ERCC6L: variants seen among roughly 807,000 people sequenced by gnomAD.
ERCC6L encodes DNA excision repair protein ERCC-6-like.
A neutral mutation model predicts 20.1 loss-of-function variants in ERCC6L; 7 were observed. The observed-to-expected ratio is 0.35, with a 90% CI of 0.20 to 0.65. ERCC6L has a LOEUF of 0.65. Ranked by LOEUF, ERCC6L falls within the 30% of genes least tolerant of loss-of-function variation. The pLI, the probability that ERCC6L is intolerant of heterozygous loss-of-function variation, is 0.69. For missense variants in ERCC6L, 592 were observed against 892.4 expected (o/e 0.66, Z 4.29); for synonymous variants, 278 against 331.3 (o/e 0.84, Z 1.75).
chrX:72,210,220 A>AATAC (rs1454283379), intron 1 of ERCC6L, among the ~76,000 whole-genome samples: 1 of 107,180 alleles, frequency 9.3e-6, no homozygotes, highest in Non-Finnish European at 1.9e-5. Context: ...TAAATAAATA[A>AATAC]ATAAATAAAT....
rs201813772 is a variant in ERCC6L, at chrX:72,205,604, A to T, written c.3163T>A (p.Ser1055Thr). 8.3e-7 allele frequency: 1 copy of T among 1,211,697 alleles called. No homozygotes were observed. Among genetic ancestry groups the T allele is most frequent in the Admixed American group, 2.2e-5 (1 of 46,087 alleles). ...PFNTSLFQFS[S>T]VKQFDASTPK... The stretch of plus-strand genomic sequence containing the variant: ...GTTGAAGCATCAAATTGTTTCACAG[A>T]TGAGAATTGAAAGAGAGATGTGTTG... Residue 1055 changes from serine (S) to threonine (T), a missense_variant, in exon 2 of 2, where the codon TCT becomes ACT. Physicochemically the swap from Ser to Thr is moderately conservative, Grantham distance 58. Coordinates refer to ENST00000334463, the MANE Select transcript of ERCC6L (RefSeq NM_017669.4).
At chrX:72,218,286 T>A (rs1328857686) in intron 1 of ERCC6L, among the ~76,000 whole-genome samples, 2 of 104,814 alleles carry the variant, frequency 1.9e-5, no homozygotes, top group Non-Finnish European at 3.9e-5. Flanking sequence ...AAAAAAAAAA[T>A]TAATAATAGA....
Position 72,206,980 on chromosome X carries a change from C to A in ERCC6L, c.1787G>T (p.Arg596Ile). The A allele has an allele frequency of 1.7e-6, 2 of 1,211,208 alleles. No individual in the cohort carries two copies. The change falls in exon 2 of 2, where the codon AGA becomes ATA. Residue 596 changes from arginine to isoleucine, a missense_variant. Transcript: ENST00000334463. ...TCGTVEEKIY[R>I]RQVFKDSLIR... ...TAATGAGTCCTTGAAAACCTGTCTT[C>A]TGTATATTTTTTCCTCTACAGTCCC...
At position 72,205,169 on chromosome X, in the gene ERCC6L, A is replaced by G; in HGVS notation, c.3598T>C (p.Tyr1200His). The change falls in exon 2 of 2, where the codon TAT becomes CAT. Residue 1200 changes from tyrosine (Y) to histidine (H), a missense_variant. Transcript: ENST00000334463. ...QDKAAEATND[Y>H]ETLVKRGKEL... ...TTTCCACGCTTTACAAGAGTCTCATAGTCATTTGTAGCCTCTGCCGCCTTA... is the reference window on the plus strand; with the variant it reads ...TTTCCACGCTTTACAAGAGTCTCATGGTCATTTGTAGCCTCTGCCGCCTTA... The G allele has an allele frequency of 8.3e-7, 1 of 1,211,468 alleles. No individual in the cohort carries two copies. Among genetic ancestry groups the G allele is most frequent in the African/African-American group, 1.7e-5 (1 of 57,749 alleles).
intron 1 of ERCC6L, among the ~76,000 whole-genome samples, chrX:72,211,889 T>C (rs373420216): frequency 8.9e-6 from 1 of 112,259 alleles, no homozygotes; most frequent in Non-Finnish European, 1.9e-5. Flanking sequence ...AGCTACACTT[T>C]CGCTGGCAAA....
At chrX:72,226,735 C>A (rs1203482290) in intron 1 of ERCC6L, among the ~76,000 whole-genome samples, 1 of 111,594 alleles carries the variant, frequency 9.0e-6, no homozygotes, top group African/African-American at 3.3e-5. Context: ...AAGCCTCATA[C>A]AACATATCCC....
Position 72,237,587 on chromosome X carries a change from G to C in ERCC6L, c.68+1257C>G, listed in dbSNP as rs1438453620. On this transcript the variant is annotated intron_variant, in intron 1 of 1. Transcript: ENST00000334463. ...CACTCCAGCCTGGGTGACAGAGCGA[G>C]ACTGTATCAAAAAAAGAAAAAAAAA... Among the ~76,000 whole-genome samples the C allele has an allele frequency of 3.0e-5, 3 of 99,631 alleles. No individual in the cohort carries two copies. The Admixed American group carries it at 3.3e-4, about 11-fold the overall frequency. The allele number at this position is 99,631 out of a possible 115,157, so 86.5% of individuals were successfully genotyped here.
Position 72,205,395 on chromosome X carries a change from T to C in ERCC6L, c.3372A>G (p.Glu1124=). The C allele has an allele frequency of 8.3e-7, 1 of 1,212,059 alleles. No homozygotes were observed. The highest frequency in any genetic ancestry group is 1.1e-6 in the Non-Finnish European group (1 of 895,559). The part of the protein sequence containing the change: ...LDDSSEAKGP[E]DYPEEGVEES... ...CCTCCACCCCTTCTTCTGGATAATC[T>C]TCAGGACCCTTTGCTTCACTGCTGT... is the stretch of plus-strand genomic sequence containing the variant. The change falls in exon 2 of 2, where the codon GAA becomes GAG. Residue 1124 remains glutamate (E), a synonymous_variant. Coordinates refer to ENST00000334463, the MANE Select transcript of ERCC6L (RefSeq NM_017669.4).
chrX:72,232,662 TAG>T (rs1006484891), intron 1 of ERCC6L, among the ~76,000 whole-genome samples: 3 of 110,480 alleles, frequency 2.7e-5, no homozygotes, highest in African/African-American at 9.9e-5. Flanking sequence ...CACAAAAAAT[TAG>T]CCGGGTGTGG....
At chrX:72,231,347 T>C (rs1440831966) in intron 1 of ERCC6L, among the ~76,000 whole-genome samples, 1 of 111,436 alleles carries the variant, frequency 9.0e-6, no homozygotes, top group Non-Finnish European at 1.9e-5. Flanking sequence ...TGATCTCGCT[T>C]ATACATGGAA....
At position 72,208,484 on chromosome X, in the gene ERCC6L, G is replaced by T. The variant is rs1291464310; in HGVS notation, c.283C>A (p.Gln95Lys). The T allele has an allele frequency of 9.1e-6, 11 of 1,209,713 alleles. No individual in the cohort carries two copies. In the East Asian group the frequency reaches 2.7e-4, roughly 29 times the overall value. ...GLLLYRELHN[Q>K]LFEHQKEGIA... ...CCTTCCTTCTGGTGCTCAAAGAGTT[G>T]GTTGTGCAGTTCTCGATAAAGTAGC... Residue 95 changes from glutamine (Q) to lysine (K), a missense_variant, in exon 2 of 2, where the codon CAA becomes AAA. Transcript: ENST00000334463.
chrX:72,217,953 T>G (rs1484244984), intron 1 of ERCC6L, among the ~76,000 whole-genome samples: 1 of 111,919 alleles, frequency 8.9e-6, no homozygotes, highest in Non-Finnish European at 1.9e-5. Context: ...TCTAACTTTG[T>G]TCCTTTAAAA....
At chrX:72,225,408 C>T (rs2042948469) in intron 1 of ERCC6L, among the ~76,000 whole-genome samples, 1 of 111,607 alleles carries the variant, frequency 9.0e-6, no homozygotes, top group Admixed American at 9.5e-5. Flanking sequence ...ACATTGTATT[C>T]AACACACCAC....
intron 1 of ERCC6L, among the ~76,000 whole-genome samples, 168 bp downstream of exon 1, chrX:72,238,676 G>A (rs1362842254): frequency 8.9e-6 from 1 of 112,777 alleles, no homozygotes; most frequent in Admixed American, 9.3e-5. Context: ...TAGAAATCTG[G>A]TCAAACATCC....
intron 1 of ERCC6L, chrX:72,237,843 C>T (rs2043026416): frequency 8.9e-6 from 1 of 111,734 alleles, no homozygotes; most frequent in Non-Finnish European, 1.9e-5. Context: ...TAAGTCCCAG[C>T]TACTAGGGAG....
intron 1 of ERCC6L, among the ~76,000 whole-genome samples, chrX:72,220,974 T>C (rs1289401441): frequency 8.9e-6 from 1 of 111,906 alleles, no homozygotes. Flanking sequence ...CATAAGTTAA[T>C]TCCTGGATCC....
At chrX:72,216,057 C>T (rs748179764) in intron 1 of ERCC6L, among the ~76,000 whole-genome samples, 1 of 110,441 alleles carries the variant, frequency 9.1e-6, no homozygotes, top group Non-Finnish European at 1.9e-5. Flanking sequence ...TAAATAGAGT[C>T]CTCCAAAATT....
In ERCC6L at chrX:72,208,546, C is replaced by G; in HGVS notation, c.221G>C (p.Gly74Ala). 8.3e-7 allele frequency: 1 copy of G among 1,211,710 alleles called. No individual in the cohort carries two copies. The highest frequency in any genetic ancestry group is 1.8e-5 in the South Asian group (1 of 56,983). ...GCACACATCTGTAAATTCATCATCTCCCTGTTCTGCCAACTCCTCCAAGGC... is the reference window on the plus strand; with the variant it reads ...GCACACATCTGTAAATTCATCATCTGCCTGTTCTGCCAACTCCTCCAAGGC... ...QEALEELAEQ[G>A]DDEFTDVCNS... The change falls in exon 2 of 2, where the codon GGA (glycine) becomes GCA (alanine). Residue 74 changes from glycine to alanine, a missense_variant. Gly to Ala is a moderately conservative substitution (Grantham distance 60, BLOSUM62 0). Around this residue, in one of 3 missense-constraint regions of ERCC6L, gnomAD observed 44 missense variants for 49.8 expected, o/e 0.88. Transcript: ENST00000334463.
At chrX:72,238,076 T>C (rs1475611175) in intron 1 of ERCC6L, 1 of 111,746 alleles carries the variant, frequency 8.9e-6, no homozygotes, top group Non-Finnish European at 1.9e-5. Flanking sequence ...ATGAGAAAAG[T>C]TCTGGAGATG....
Sources: gnomAD v4.1 joint callset for allele counts (sites outside exome capture counted in the v4.1 genomes callset) on GRCh38, gnomAD v4.1.1 for gene constraint, gnomAD v4.1.1 regional missense constraint, MANE v1.5 for transcripts, NCBI Gene and HGNC (gene_info 2026-07-23, HGNC 2026-07-21) for gene names.